JARID2: variants seen among roughly 807,000 people sequenced by gnomAD.
JARID2 encodes the protein protein Jumonji.
Under a neutral mutation model 125.6 loss-of-function variants are expected in JARID2, and 21 were observed. The observed-to-expected ratio is 0.17, with a 90% CI of 0.12 to 0.24. The LOEUF is 0.24. Ranked by LOEUF, JARID2 falls within the 10% of genes least tolerant of loss-of-function variation. The probability of loss-of-function intolerance (pLI) is 1.00; values close to 1 mark genes in which losing one functional copy is unlikely to be tolerated. For missense variants in JARID2, 1,303 were observed against 1,639.6 expected, an observed-to-expected ratio of 0.79 and a Z score of 3.55; for synonymous variants, 736 against 661.6, an observed-to-expected ratio of 1.11 and a Z score of -1.73.
rs77476366 is a variant in JARID2, at chr6:15,454,644, T to A, written c.493+2469T>A. 9.4e-3 allele frequency among the ~76,000 whole-genome samples: 670 copies of A among 71,478 alleles called. 5 individuals carry two copies. The highest frequency in any genetic ancestry group is 0.03 in the African/African-American group (627 of 20,558). The allele number at this position is 71,478 out of a possible 152,430, so 46.9% of individuals were successfully genotyped here. A position where few individuals can be genotyped will look rare whatever the true frequency, so the allele number is the denominator to read the frequency against. ...AGGCGCAGGCAACCACACCCAGCAA[T>A]TTTTTTTTTTTTTTTTGGTAGAGAA... On this transcript the variant is annotated intron_variant, in intron 4 of 17. Transcript: ENST00000341776.
At chr6:15,347,726 A>G (rs909412352) in intron 1 of JARID2, among the ~76,000 whole-genome samples, 2 of 152,116 alleles carry the variant, frequency 1.3e-5, no homozygotes, top group African/African-American at 4.8e-5. Context: ...AAGTATATTC[A>G]TTTATTTTTC....
intron 1 of JARID2, among the ~76,000 whole-genome samples, chr6:15,324,198 GAA>G (rs765988530): frequency 1.4e-5 from 2 of 140,150 alleles, no homozygotes; most frequent in African/African-American, 2.6e-5. Context: ...AAAAAAACTG[GAA>G]AAAAAAAAAA....
At chr6:15,337,941 C>CCAGGCAA (rs1762935347) in intron 1 of JARID2, among the ~76,000 whole-genome samples, 1 of 152,140 alleles carries the variant, frequency 6.6e-6, no homozygotes, top group Non-Finnish European at 1.5e-5. Flanking sequence ...GGTTCCGAGG[C>CCAGGCAA]CAGGCAACAG....
At chr6:15,278,653 A>C (rs1265502927) in intron 1 of JARID2, among the ~76,000 whole-genome samples, 1 of 152,138 alleles carries the variant, frequency 6.6e-6, no homozygotes, top group Non-Finnish European at 1.5e-5. Flanking sequence ...AAAATAGTGT[A>C]GCTGGCTGGT....
intron 3 of JARID2, among the ~76,000 whole-genome samples, chr6:15,428,437 C>G (rs562106286): frequency 2.6e-5 from 4 of 152,234 alleles, no homozygotes; most frequent in Admixed American, 1.3e-4. Flanking sequence ...CACCCCACAA[C>G]AGGCCCTGGT....
Position 15,432,562 on chromosome 6 carries a change from A to G in JARID2, c.324-19444A>G, listed in dbSNP as rs184470364. ...TGGTTGCAGAATTTTCTGGGGTTCA[A>G]ATACCCTCTAGAGGTTTCCCATTGG... On this transcript the variant is annotated intron_variant, in intron 3 of 17. Transcript: ENST00000341776. Among the ~76,000 whole-genome samples the G allele has an allele frequency of 7.1e-4, 108 of 152,318 alleles. 1 individual carries two copies. Among genetic ancestry groups the G allele is most frequent in the Admixed American group, 4.7e-3 (72 of 15,300 alleles).
chr6:15,272,068 C>T (rs775165774), intron 1 of JARID2, among the ~76,000 whole-genome samples: 79 of 151,740 alleles, frequency 5.2e-4, no homozygotes, highest in Non-Finnish European at 9.3e-4. Flanking sequence ...GAGGTTGCAG[C>T]GAGCCAGGAT....
chr6:15,508,059 C>T (rs1017043250), intron 11 of JARID2, among the ~76,000 whole-genome samples: 7 of 152,210 alleles, frequency 4.6e-5, no homozygotes, highest in African/African-American at 9.7e-5. Flanking sequence ...GGCCCGTGGG[C>T]GGCCGGTTCC....
intron 5 of JARID2, among the ~76,000 whole-genome samples, chr6:15,480,787 C>G (rs998947946): frequency 1.3e-5 from 2 of 152,192 alleles, no homozygotes; most frequent in African/African-American, 4.8e-5. Context: ...AATTGAGGCC[C>G]AAACGGGGTT....
chr6:15,418,150 T>C (rs1054376089), intron 3 of JARID2, among the ~76,000 whole-genome samples: 2 of 151,976 alleles, frequency 1.3e-5, no homozygotes, highest in East Asian at 3.9e-4. Context: ...TAGTCATTGC[T>C]TCACCTTAGG....
intron 3 of JARID2, among the ~76,000 whole-genome samples, chr6:15,422,933 A>G (rs1766563358): frequency 6.7e-6 from 1 of 149,128 alleles, no homozygotes; most frequent in Admixed American, 6.7e-5. Context: ...TTGTCTTCTC[A>G]TGGGTTAGGC....
chr6:15,494,413 C>CTTTTTT (rs60218567), intron 6 of JARID2, among the ~76,000 whole-genome samples: 2,748 of 80,426 alleles, frequency 0.034, 545 homozygotes, highest in African/African-American at 0.12. Flanking sequence ...TTTGGCAAGT[C>CTTTTTT]TTTTTTTTTT....
intron 1 of JARID2, among the ~76,000 whole-genome samples, chr6:15,305,988 A>G (rs1761807169): frequency 6.6e-6 from 1 of 152,218 alleles, no homozygotes; most frequent in African/African-American, 2.4e-5. Context: ...AGTTTTTAAA[A>G]TGCAGAGACA....
intron 1 of JARID2, among the ~76,000 whole-genome samples, chr6:15,343,227 CAAAAAAAAAAAAA>C (rs11471181): frequency 8.0e-5 from 6 of 74,952 alleles, no homozygotes; most frequent in Non-Finnish European, 1.5e-4. Flanking sequence ...GAAACTCCGT[CAAAAAAAAAAAAA>C]AAAAAAAAAA....
chr6:15,505,567 G>C (rs1770964215), intron 9 of JARID2, among the ~76,000 whole-genome samples: 1 of 152,206 alleles, frequency 6.6e-6, no homozygotes, highest in Non-Finnish European at 1.5e-5. Context: ...CAGAGCTTAG[G>C]ATGTCCAGCC....
chr6:15,471,353 T>A (rs1444831410), intron 5 of JARID2, among the ~76,000 whole-genome samples: 2 of 152,236 alleles, frequency 1.3e-5, no homozygotes, highest in African/African-American at 4.8e-5. Context: ...CTTTTTCTTG[T>A]GAAGGAATTT....
At chr6:15,271,999 T>C (rs1382132763) in intron 1 of JARID2, among the ~76,000 whole-genome samples, 1 of 151,674 alleles carries the variant, frequency 6.6e-6, no homozygotes, top group Non-Finnish European at 1.5e-5. Context: ...GACTGTCGCC[T>C]GTAGTCCCAC....
chr6:15,514,302 C>T (rs1021342951), intron 16 of JARID2, among the ~76,000 whole-genome samples: 2 of 152,250 alleles, frequency 1.3e-5, no homozygotes, highest in Non-Finnish European at 2.9e-5. Flanking sequence ...TAGCCTGGAA[C>T]AGAGAGCATG....
chr6:15,266,600 G>A (rs1760092694), intron 1 of JARID2, among the ~76,000 whole-genome samples: 1 of 152,182 alleles, frequency 6.6e-6, no homozygotes, highest in African/African-American at 2.4e-5. Flanking sequence ...TATATTTTGA[G>A]TTTTAGGAAT....
Sources: gnomAD v4.1 joint callset for allele counts (sites outside exome capture counted in the v4.1 genomes callset) on GRCh38, gnomAD v4.1.1 for gene constraint, MANE v1.5 for transcripts, NCBI Gene and HGNC (gene_info 2026-07-23, HGNC 2026-07-21) for gene names.